Variants in SLC39A12 observed in about 807,000 individuals in gnomAD.
SLC39A12 encodes zinc transporter ZIP12.
SLC39A12 carries 63 observed loss-of-function variants against 71.1 expected under a neutral mutation model. The ratio of observed to expected loss-of-function variants is 0.89; its 90% CI spans 0.72 to 1.09. The LOEUF is 1.09. Ranked by LOEUF, SLC39A12 falls within the 50% of genes least tolerant of loss-of-function variation. The pLI is 0.00. For missense variants in SLC39A12, 892 were observed against 812.6 expected, an observed-to-expected ratio of 1.10 and a Z score of -1.19; for synonymous variants, 351 against 301.3, an observed-to-expected ratio of 1.16 and a Z score of -1.71.
intron 12 of SLC39A12, among the ~76,000 whole-genome samples, chr10:18,035,170 G>A (rs537391934): frequency 6.7e-5 from 10 of 149,158 alleles, no homozygotes; most frequent in Admixed American, 2.0e-4. Context: ...CGTTCTCTGT[G>A]TTTCCTGAAT....
chr10:18,024,371 C>G (rs1413014399), intron 12 of SLC39A12, among the ~76,000 whole-genome samples: 4 of 152,044 alleles, frequency 2.6e-5, no homozygotes, highest in African/African-American at 9.7e-5. Flanking sequence ...GAGGGGAGGC[C>G]AGGGGGATCT....
chr10:17,993,237 C>G lies in SLC39A12; in HGVS notation c.1479C>G (p.Asn493Lys). The stretch of plus-strand genomic sequence containing the variant: ...GTCATTCCCACCATCTTGCACTCAA[C>G]TCTGAATTAAGTGACCAGGCAGGCA... ...HVGHSHHLAL[N>K]SELSDQAGRG... is the part of the protein sequence containing the mutation. The change falls in exon 9 of 13, where the codon AAC becomes AAG. Residue 493 changes from asparagine (N) to lysine (K), a missense_variant. Transcript: ENST00000377369. The G allele has an allele frequency of 6.4e-7, 1 of 1,551,940 alleles. No individual in the cohort carries two copies. The highest frequency in any genetic ancestry group is 8.7e-7 in the Non-Finnish European group (1 of 1,147,020).
At chr10:17,984,007 A>G (rs539021125) in intron 6 of SLC39A12, among the ~76,000 whole-genome samples, 1 of 152,176 alleles carries the variant, frequency 6.6e-6, no homozygotes, top group South Asian at 2.1e-4. Context: ...AGTTTCCAGG[A>G]AAGAGTATTA....
At chr10:18,025,488 G>T (rs1057384924) in intron 12 of SLC39A12, among the ~76,000 whole-genome samples, 4 of 152,044 alleles carry the variant, frequency 2.6e-5, no homozygotes, top group African/African-American at 9.7e-5. Flanking sequence ...GCGGTGTTTG[G>T]TTTTTTGTCC....
chr10:17,997,022 C>CAAAAAAAAAAAAAAAA (rs71924913), intron 10 of SLC39A12, among the ~76,000 whole-genome samples: 5 of 115,412 alleles, frequency 4.3e-5, no homozygotes, highest in African/African-American at 6.9e-5. Flanking sequence ...GACTCCGTCT[C>CAAAAAAAAAAAAAAAA]AAAAAAAAAA....
intron 12 of SLC39A12, among the ~76,000 whole-genome samples, chr10:18,021,888 G>C (rs904577940): frequency 6.6e-6 from 1 of 152,126 alleles, no homozygotes; most frequent in African/African-American, 2.4e-5. Context: ...GCTTAGTTTT[G>C]CTGGATATGA....
In SLC39A12 at chr10:18,042,964, A is replaced by T. The variant is rs1334173026; in HGVS notation, c.*131A>T. ...AAAGTGTGTCTCTTTCAATTCATTA[A>T]CTTATTAATTTTATAATGCAGTTTT... On this transcript the variant is annotated 3_prime_UTR_variant, in exon 13 of 13. Coordinates refer to ENST00000377369, the MANE Select transcript of SLC39A12 (RefSeq NM_001145195.2). 1.5e-6 allele frequency: 1 copy of T among 654,220 alleles called. No individual in the cohort carries two copies. Among genetic ancestry groups the T allele is most frequent in the Non-Finnish European group, 2.2e-6 (1 of 448,518 alleles). The allele number at this position is 654,220 out of a possible 1,614,324, so 40.5% of individuals were successfully genotyped here.
chr10:18,021,609 G>A (rs2130876377), intron 12 of SLC39A12, among the ~76,000 whole-genome samples: 1 of 152,168 alleles, frequency 6.6e-6, no homozygotes, highest in African/African-American at 2.4e-5. Flanking sequence ...GGAGCATTTA[G>A]CCTGTTTATG....
At chr10:17,965,405 G>A in intron 3 of SLC39A12, 78 bp from the exon 4 acceptor site, 1 of 1,345,640 alleles carries the variant, frequency 7.4e-7, no homozygotes, top group Middle Eastern at 2.5e-4. Context: ...TATCCCTTTA[G>A]GGGGAAATTT....
chr10:17,962,193 G>T (rs1175731970), intron 3 of SLC39A12, among the ~76,000 whole-genome samples: 1 of 152,206 alleles, frequency 6.6e-6, no homozygotes, highest in Non-Finnish European at 1.5e-5. Flanking sequence ...GGACTGAGCT[G>T]TAGTGGTGGA....
chr10:18,023,102 G>A (rs918147315), intron 12 of SLC39A12, among the ~76,000 whole-genome samples: 13 of 152,150 alleles, frequency 8.5e-5, no homozygotes, highest in African/African-American at 3.1e-4. Flanking sequence ...CTCTGGGGCT[G>A]TGCATCACAG....
intron 2 of SLC39A12, among the ~76,000 whole-genome samples, chr10:17,955,074 C>G (rs1218967196): frequency 6.6e-6 from 1 of 152,142 alleles, no homozygotes; most frequent in Non-Finnish European, 1.5e-5. Context: ...TATTCATGTC[C>G]TCTGAGGATT....
intron 12 of SLC39A12, among the ~76,000 whole-genome samples, chr10:18,018,119 G>A (rs183757485): frequency 1.1e-4 from 16 of 151,986 alleles, no homozygotes; most frequent in African/African-American, 3.9e-4. Context: ...ATTTATAACT[G>A]AGTGTTTCAT....
chr10:17,984,308 A>G (rs981009235), intron 6 of SLC39A12, among the ~76,000 whole-genome samples: 16 of 152,240 alleles, frequency 1.1e-4, no homozygotes, highest in African/African-American at 9.6e-5. Context: ...TAACCTCTGA[A>G]GTTATGAAAC....
At chr10:17,972,218 T>A (rs1367752674) in intron 4 of SLC39A12, among the ~76,000 whole-genome samples, 5 of 152,212 alleles carry the variant, frequency 3.3e-5, no homozygotes, top group South Asian at 2.1e-4. Context: ...TTCAATTTTT[T>A]AAAAAATATG....
intron 10 of SLC39A12, 45 bp from the exon 11 acceptor site, chr10:18,000,622 G>A: frequency 2.5e-6 from 4 of 1,594,210 alleles, no homozygotes; most frequent in Non-Finnish European, 3.4e-6. Context: ...GGTGAAATAT[G>A]TAGTGCTCTG....
At chr10:17,971,641 C>T (rs1834977795) in intron 4 of SLC39A12, among the ~76,000 whole-genome samples, 2 of 152,096 alleles carry the variant, frequency 1.3e-5, no homozygotes, top group South Asian at 4.2e-4. Flanking sequence ...TCATAGTAGC[C>T]ATTAATGATC....
chr10:18,039,115 A>G (rs1403576379), intron 12 of SLC39A12, among the ~76,000 whole-genome samples: 1 of 152,238 alleles, frequency 6.6e-6, no homozygotes, highest in Admixed American at 6.5e-5. Context: ...GTACTTTACC[A>G]AAGACTAAGA....
intron 12 of SLC39A12, among the ~76,000 whole-genome samples, chr10:18,035,236 A>T (rs1213764146): frequency 6.9e-6 from 1 of 145,970 alleles, no homozygotes; most frequent in African/African-American, 2.6e-5. Flanking sequence ...AATATCCTGC[A>T]GAGTGTTTTC....
Sources: gnomAD v4.1 joint callset for allele counts (sites outside exome capture counted in the v4.1 genomes callset) on GRCh38, gnomAD v4.1.1 for gene constraint, MANE v1.5 for transcripts, NCBI Gene and HGNC (gene_info 2026-07-23, HGNC 2026-07-21) for gene names.